Variants in PAK5 observed in about 807,000 individuals in gnomAD.
PAK5 encodes the protein serine/threonine-protein kinase PAK 5.
A neutral mutation model predicts 65.9 loss-of-function variants in PAK5; 16 were observed. The observed-to-expected ratio is 0.24, with a 90% CI of 0.16 to 0.37. PAK5 has a LOEUF of 0.37. PAK5 is among the 10% of genes least tolerant of loss of function. PAK5 has a pLI of 1.00. For missense variants in PAK5, 785 were observed against 903.9 expected, an observed-to-expected ratio of 0.87 and a Z score of 1.69; for synonymous variants, 371 against 354.9, an observed-to-expected ratio of 1.05 and a Z score of -0.51.
At chr20:9,670,091 G>A (rs1255584080) in intron 2 of PAK5, among the ~76,000 whole-genome samples, 1 of 152,140 alleles carries the variant, frequency 6.6e-6, no homozygotes, top group Non-Finnish European at 1.5e-5. Flanking sequence ...TCCCTACAAA[G>A]GACATGAACT....
chr20:9,782,887 G>A (rs1027613375), intron 1 of PAK5, among the ~76,000 whole-genome samples: 1 of 151,320 alleles, frequency 6.6e-6, no homozygotes, highest in Non-Finnish European at 1.5e-5. Flanking sequence ...GAGTAGGCAT[G>A]GTTGTCTGCT....
intron 2 of PAK5, among the ~76,000 whole-genome samples, chr20:9,658,562 G>T (rs1401106561): frequency 6.6e-6 from 1 of 152,200 alleles, no homozygotes. Context: ...GCTTTTCAAA[G>T]GGAGGAGCTT....
chr20:9,762,980 AGAGGACATTAT>A (rs1284655866), intron 1 of PAK5, among the ~76,000 whole-genome samples: 3 of 152,150 alleles, frequency 2.0e-5, no homozygotes, highest in Admixed American at 2.0e-4. Context: ...GGATGAATCT[AGAGGACATTAT>A]GCTAAGTGAA....
chr20:9,781,459 T>C (rs1441083443), intron 1 of PAK5, among the ~76,000 whole-genome samples: 1 of 152,162 alleles, frequency 6.6e-6, no homozygotes, highest in African/African-American at 2.4e-5. Context: ...ACACCATATT[T>C]GTGTAAACTG....
chr20:9,792,893 G>A (rs2049064740), intron 1 of PAK5, among the ~76,000 whole-genome samples: 1 of 152,072 alleles, frequency 6.6e-6, no homozygotes, highest in African/African-American at 2.4e-5. Context: ...AAACGTTCTG[G>A]CAGAAAGCGA....
At chr20:9,577,424 T>C (rs1174908520) in intron 4 of PAK5, 1 of 150,330 alleles carries the variant, frequency 6.7e-6, no homozygotes. Context: ...TACACACACA[T>C]GACCCTCCTC....
At chr20:9,544,551 C>G in intron 7 of PAK5, 57 bp from the exon 8 acceptor site, 1 of 1,517,720 alleles carries the variant, frequency 6.6e-7, no homozygotes, top group Non-Finnish European at 9.1e-7. Context: ...CTGCTAGACA[C>G]GAAAATACAA....
At chr20:9,795,951 A>T (rs947911194) in intron 1 of PAK5, among the ~76,000 whole-genome samples, 33 of 152,238 alleles carry the variant, frequency 2.2e-4, no homozygotes, top group African/African-American at 7.5e-4. Flanking sequence ...CCATATCAGC[A>T]TATATAAATT....
At chr20:9,627,624 C>CCTTTT (rs1049281489) in intron 3 of PAK5, among the ~76,000 whole-genome samples, 3 of 152,054 alleles carry the variant, frequency 2.0e-5, no homozygotes, top group Non-Finnish European at 2.9e-5. Flanking sequence ...TTTTTCTTTT[C>CCTTTT]CTTTTCTTTT....
intron 3 of PAK5, among the ~76,000 whole-genome samples, chr20:9,624,131 CAT>C (rs1188301575): frequency 4.6e-5 from 7 of 152,120 alleles, no homozygotes; most frequent in Admixed American, 3.9e-4. Context: ...GTAAGAAAAA[CAT>C]AGGAAAATCA....
At chr20:9,722,405 G>A (rs1323277729) in intron 1 of PAK5, among the ~76,000 whole-genome samples, 3 of 151,926 alleles carry the variant, frequency 2.0e-5, no homozygotes, top group East Asian at 3.9e-4. Context: ...GAGGTCAGGA[G>A]ATCGAGACCA....
intron 3 of PAK5, among the ~76,000 whole-genome samples, chr20:9,639,167 A>G (rs2047019236): frequency 6.6e-6 from 1 of 152,190 alleles, no homozygotes; most frequent in African/African-American, 2.4e-5. Flanking sequence ...GGTGACTTGT[A>G]AGATTTTTCC....
chr20:9,548,793 T>C (rs78365370), intron 7 of PAK5, among the ~76,000 whole-genome samples: 1 of 152,234 alleles, frequency 6.6e-6, no homozygotes, highest in Non-Finnish European at 1.5e-5. Flanking sequence ...GGAACACAGA[T>C]GAAATGAAAA....
At chr20:9,587,188 A>G (rs531887731) in intron 3 of PAK5, among the ~76,000 whole-genome samples, 2 of 152,320 alleles carry the variant, frequency 1.3e-5, no homozygotes, top group East Asian at 3.9e-4. Context: ...TTGATAATAA[A>G]TGAAGAAGAA....
At position 9,566,398 on chromosome 20, in the gene PAK5, C is replaced by T. The variant is rs751613072; in HGVS notation, c.991-14G>A. 29 of 1,608,824 alleles carry T rather than the reference C, an allele frequency of 1.8e-5. No homozygotes were observed. Among genetic ancestry groups the T allele is most frequent in the South Asian group, 1.1e-5 (1 of 90,670 alleles). ...ATCGTAATCCACCTGGGAAGACAGA[C>T]ATGGATAGAGAATATTCACATGCTG... On this transcript the variant is annotated splice_polypyrimidine_tract_variant and intron_variant, in intron 4 of 9. Coordinates refer to ENST00000353224, the MANE Select transcript of PAK5 (RefSeq NM_177990.4).
At chr20:9,649,926 G>A (rs2047181801) in intron 2 of PAK5, among the ~76,000 whole-genome samples, 1 of 152,100 alleles carries the variant, frequency 6.6e-6, no homozygotes, top group Non-Finnish European at 1.5e-5. Flanking sequence ...AAAAAAAAAT[G>A]TGCCCAAGTT....
rs1439581013 is a variant in PAK5, at chr20:9,772,797, ATTC to A, written c.-161-61365_-161-61363del. Reference sequence around the variant, plus strand: ...TTTCCTCCTATTTCAAGGCATCCCTATTCTTCTTGGCCCAATAGTCAGGCAGAA... The same window carrying A: ...TTTCCTCCTATTTCAAGGCATCCCTATTCTTGGCCCAATAGTCAGGCAGAA... On this transcript the variant is annotated intron_variant, in intron 1 of 9. Transcript: ENST00000353224. Among the ~76,000 whole-genome samples the A allele has an allele frequency of 2.0e-5, 3 of 152,286 alleles. No homozygotes were observed. In the East Asian group the frequency reaches 5.8e-4, roughly 29 times the overall value.
chr20:9,749,179 CATT>C (rs1232834419), intron 1 of PAK5, among the ~76,000 whole-genome samples: 1 of 152,126 alleles, frequency 6.6e-6, no homozygotes, highest in Non-Finnish European at 1.5e-5. Flanking sequence ...TTATCATTGA[CATT>C]ATTATTTCAA....
chr20:9,701,134 C>T (rs2047934430), intron 2 of PAK5, among the ~76,000 whole-genome samples: 2 of 152,212 alleles, frequency 1.3e-5, no homozygotes, highest in East Asian at 1.9e-4. Flanking sequence ...CCCTGCTCCG[C>T]CCTTTGACGA....
Sources: allele counts gnomAD v4.1 joint callset (sites outside exome capture counted in the v4.1 genomes callset), GRCh38; gene constraint gnomAD v4.1.1; transcripts MANE v1.5; gene names NCBI Gene and HGNC (gene_info 2026-07-23, HGNC 2026-07-21).